Variants in CERS6 observed in about 807,000 individuals in gnomAD.
CERS6 encodes the protein LAG1 homolog, ceramide synthase 6.
A neutral mutation model predicts 56.8 loss-of-function variants in CERS6; 26 were observed. The ratio of observed to expected loss-of-function variants is 0.46; its 90% CI spans 0.34 to 0.63. CERS6 has a LOEUF of 0.63. Among genes scored for constraint, CERS6 ranks in the 30% least tolerant of loss-of-function variants. CERS6 has a pLI of 0.01. For synonymous variants in CERS6, 164 were observed against 173.3 expected, an observed-to-expected ratio of 0.95 and a Z score of 0.42; for missense variants, 415 against 467.5, an observed-to-expected ratio of 0.89 and a Z score of 1.04.
intron 8 of CERS6, among the ~76,000 whole-genome samples, chr2:168,763,008 G>C (rs1332414379): frequency 6.6e-6 from 1 of 152,008 alleles, no homozygotes; most frequent in Admixed American, 6.6e-5. Context: ...TGAGCAGCTG[G>C]AACTGCAGGC....
intron 1 of CERS6, among the ~76,000 whole-genome samples, chr2:168,511,456 A>C (rs931716069): frequency 6.6e-6 from 1 of 152,096 alleles, no homozygotes; most frequent in African/African-American, 2.4e-5. Context: ...GTGGCTGAGG[A>C]GAAGTCTTCC....
intron 1 of CERS6, among the ~76,000 whole-genome samples, chr2:168,521,940 G>A (rs1468541672): frequency 5.9e-5 from 9 of 152,178 alleles, no homozygotes; most frequent in African/African-American, 1.9e-4. Flanking sequence ...TAAAATAGAG[G>A]CATGTAGAGG....
At chr2:168,708,874 G>A (rs751275957) in intron 6 of CERS6, among the ~76,000 whole-genome samples, 3 of 152,032 alleles carry the variant, frequency 2.0e-5, no homozygotes, top group Non-Finnish European at 4.4e-5. Context: ...GTATTATCCA[G>A]CCAATGAGAA....
chr2:168,739,498 C>T (rs1574208003), intron 8 of CERS6, among the ~76,000 whole-genome samples: 1 of 152,114 alleles, frequency 6.6e-6, no homozygotes, highest in South Asian at 2.1e-4. Flanking sequence ...GATGATCTCA[C>T]TAAGAAAGGT....
intron 1 of CERS6, among the ~76,000 whole-genome samples, chr2:168,532,944 A>C (rs941721515): frequency 1.3e-5 from 2 of 152,192 alleles, no homozygotes; most frequent in African/African-American, 4.8e-5. Context: ...CTAAATATTC[A>C]TTGAAAGCAT....
chr2:168,537,782 T>A (rs1032183794), intron 1 of CERS6, among the ~76,000 whole-genome samples: 26 of 152,296 alleles, frequency 1.7e-4, no homozygotes, highest in Admixed American at 2.6e-4. Flanking sequence ...TTTCTATCCC[T>A]TGCCCAAGCC....
At chr2:168,660,416 C>T (rs940119873) in intron 4 of CERS6, among the ~76,000 whole-genome samples, 2 of 152,062 alleles carry the variant, frequency 1.3e-5, no homozygotes, top group Non-Finnish European at 1.5e-5. Context: ...TTTATAAGGG[C>T]CCTGGTAATG....
At chr2:168,510,952 A>C (rs1018922895) in intron 1 of CERS6, among the ~76,000 whole-genome samples, 2 of 152,220 alleles carry the variant, frequency 1.3e-5, no homozygotes, top group Admixed American at 1.3e-4. Flanking sequence ...CAGCTATACA[A>C]ACACTAAGTG....
intron 4 of CERS6, among the ~76,000 whole-genome samples, chr2:168,644,782 A>G (rs1221221229): frequency 5.9e-5 from 9 of 152,032 alleles, no homozygotes; most frequent in Non-Finnish European, 8.8e-5. Flanking sequence ...GATAAGCAAC[A>G]TGTTCTCAAC....
At chr2:168,628,591 A>C (rs574060507) in intron 3 of CERS6, among the ~76,000 whole-genome samples, 1 of 152,302 alleles carries the variant, frequency 6.6e-6, no homozygotes, top group African/African-American at 2.4e-5. Flanking sequence ...TTGGCTTTTG[A>C]AAGTAGCCAT....
chr2:168,697,917 T>C (rs1396793254), intron 6 of CERS6, among the ~76,000 whole-genome samples: 2 of 152,156 alleles, frequency 1.3e-5, no homozygotes, highest in Admixed American at 1.3e-4. Flanking sequence ...TCTCATCACA[T>C]GTGGAATGTG....
intron 4 of CERS6, among the ~76,000 whole-genome samples, chr2:168,661,965 A>G (rs1334642802): frequency 2.0e-5 from 3 of 152,304 alleles, no homozygotes; most frequent in Admixed American, 2.0e-4. Flanking sequence ...ATGAAAGTAG[A>G]TTGGCTTACA....
chr2:168,769,331 C>T (rs917589980), intron 9 of CERS6, among the ~76,000 whole-genome samples, 179 bp from the exon 10 acceptor site: 7 of 152,166 alleles, frequency 4.6e-5, no homozygotes, highest in African/African-American at 1.4e-4. Flanking sequence ...ATGACTTTGT[C>T]GCCTACATTT....
At position 168,630,971 on chromosome 2, in the gene CERS6, T is replaced by C. The variant is rs747640089; in HGVS notation, c.408-14T>C. 1 of 1,395,588 alleles carries C rather than the reference T, an allele frequency of 7.2e-7. No individual in the cohort carries two copies. Among genetic ancestry groups the C allele is most frequent in the South Asian group, 1.3e-5 (1 of 78,122 alleles). The allele number at this position is 1,395,588 out of a possible 1,614,324, so 86.5% of individuals were successfully genotyped here. A position where few individuals can be genotyped will look rare whatever the true frequency, so the allele number is the denominator to read the frequency against. On this transcript the variant is annotated splice_polypyrimidine_tract_variant and intron_variant, in intron 3 of 9. Coordinates refer to ENST00000305747, the MANE Select transcript of CERS6 (RefSeq NM_203463.3). ...TAAACTGAATGTCACAGATTTTTTT[T>C]TAACCTTCTACAGGTGGAGATTTTC...
intron 4 of CERS6, among the ~76,000 whole-genome samples, chr2:168,641,039 A>G (rs770346836): frequency 1.4e-4 from 22 of 152,110 alleles, no homozygotes; most frequent in Admixed American, 2.6e-4. Flanking sequence ...CCTTGGCCCA[A>G]TCCACCCATG....
chr2:168,640,871 A>G (rs926223162), intron 4 of CERS6, among the ~76,000 whole-genome samples: 2 of 152,056 alleles, frequency 1.3e-5, no homozygotes, highest in African/African-American at 4.8e-5. Flanking sequence ...CCTTGACCTT[A>G]ATATATAGTC....
rs1287621127 is a variant in CERS6, at chr2:168,645,140, TATAGAGAGAGAGAGAGAGAG to T, written c.465+14100_465+14119del. 2.6e-3 allele frequency among the ~76,000 whole-genome samples: 62 copies of T among 23,646 alleles called. 4 individuals are homozygous for T. The highest frequency in any genetic ancestry group is 8.7e-3 in the African/African-American group (43 of 4,950). The allele number at this position is 23,646 out of a possible 152,430, so 15.5% of individuals were successfully genotyped here. ...AAATATATATATATATATATATATA[TATAGAGAGAGAGAGAGAGAG>T]AGAGAGAGAGAGAGAGAGAGAGAGA... On this transcript the variant is annotated intron_variant, in intron 4 of 9. Transcript: ENST00000305747.
intron 2 of CERS6, among the ~76,000 whole-genome samples, chr2:168,557,313 CA>C (rs1695701020): frequency 6.6e-6 from 1 of 152,090 alleles, no homozygotes; most frequent in South Asian, 2.1e-4. Flanking sequence ...ACACAAAAGA[CA>C]AATTAAATAA....
In CERS6 at chr2:168,626,727, G is replaced by A. The variant is rs150446596; in HGVS notation, c.408-4258G>A. Among the ~76,000 whole-genome samples the A allele has an allele frequency of 6.7e-3, 1,017 of 152,230 alleles. 16 individuals are homozygous for A. Among genetic ancestry groups the A allele is most frequent in the African/African-American group, 0.023 (939 of 41,550 alleles). ...GTCCCAGTTTTTCCATTTACCAGGCGTCTGGCTTTGGACAGGCTAATCCCT... is the reference window on the plus strand; with the variant it reads ...GTCCCAGTTTTTCCATTTACCAGGCATCTGGCTTTGGACAGGCTAATCCCT... On this transcript the variant is annotated intron_variant, in intron 3 of 9. Coordinates refer to ENST00000305747, the MANE Select transcript of CERS6 (RefSeq NM_203463.3).
Sources: allele counts gnomAD v4.1 joint callset (sites outside exome capture counted in the v4.1 genomes callset), GRCh38; gene constraint gnomAD v4.1.1; transcripts MANE v1.5; gene names NCBI Gene and HGNC (gene_info 2026-07-23, HGNC 2026-07-21).